The following SLC9A8 variants were observed in gnomAD, a reference collection of about 807,000 sequenced individuals.
SLC9A8 encodes the protein sodium/hydrogen exchanger 8.
Under a neutral mutation model 66.6 loss-of-function variants are expected in SLC9A8, and 48 were observed. That is an observed-to-expected ratio of 0.72 (90% confidence interval 0.57 to 0.92). The LOEUF (loss-of-function observed/expected upper bound fraction) is 0.92. SLC9A8 is among the 40% of genes least tolerant of loss of function. SLC9A8 has a pLI of 0.00. For synonymous variants in SLC9A8, 274 were observed against 282.6 expected (o/e 0.97, Z 0.31); for missense variants, 599 against 747.3 (o/e 0.80, Z 2.31).
At chr20:49,861,418 C>T (rs1048768293) in intron 8 of SLC9A8, among the ~76,000 whole-genome samples, 2 of 152,146 alleles carry the variant, frequency 1.3e-5, no homozygotes, top group African/African-American at 2.4e-5. Flanking sequence ...GTGATGTATG[C>T]TTGTGGTCTC....
At chr20:49,883,115 GA>G (rs1383578819) in intron 13 of SLC9A8, among the ~76,000 whole-genome samples, 2 of 151,568 alleles carry the variant, frequency 1.3e-5, no homozygotes, top group East Asian at 3.9e-4. Flanking sequence ...GTGGGGCTAG[GA>G]CTGCCTGTCC....
intron 15 of SLC9A8, among the ~76,000 whole-genome samples, chr20:49,887,412 C>A (rs1465244971): frequency 1.3e-5 from 2 of 152,180 alleles, no homozygotes; most frequent in Non-Finnish European, 1.5e-5. Flanking sequence ...AGGAGCCAGG[C>A]AGCTCCAGTG....
At chr20:49,850,692 A>G in intron 6 of SLC9A8, 118 bp from the exon 7 acceptor site, 2 of 1,307,400 alleles carry the variant, frequency 1.5e-6, no homozygotes, top group South Asian at 2.9e-5. Flanking sequence ...TGGTTTGGGA[A>G]CTGAAGATTA....
intron 8 of SLC9A8, among the ~76,000 whole-genome samples, chr20:49,857,125 C>T (rs1270518512): frequency 6.6e-6 from 1 of 152,168 alleles, no homozygotes; most frequent in Non-Finnish European, 1.5e-5. Context: ...CCAGTCTGGA[C>T]AACATAGCAA....
At chr20:49,872,838 A>C (rs2089268834) in intron 10 of SLC9A8, among the ~76,000 whole-genome samples, 1 of 152,262 alleles carries the variant, frequency 6.6e-6, no homozygotes, top group African/African-American at 2.4e-5. Context: ...TGTTTCCACA[A>C]AATGGCAGAA....
At chr20:49,827,638 C>T (rs938096105) in intron 3 of SLC9A8, among the ~76,000 whole-genome samples, 1 of 150,450 alleles carries the variant, frequency 6.6e-6, no homozygotes, top group South Asian at 2.1e-4. Context: ...AAATGAAATA[C>T]TTGTAAGCGT....
At chr20:49,855,947 C>T (rs1169300500) in intron 8 of SLC9A8, among the ~76,000 whole-genome samples, 2 of 151,988 alleles carry the variant, frequency 1.3e-5, no homozygotes, top group African/African-American at 2.4e-5. Context: ...CGTGCCATCA[C>T]GCCCAGCTAA....
chr20:49,815,198 G>T lies in SLC9A8; in HGVS notation c.208+9G>T. ...CAGCCTCCTTGTCCTAGGTGAATAT[G>T]GACACTGTCATCCCCATCATCTGCC... On this transcript the variant is annotated intron_variant, in intron 2 of 15. Transcript: ENST00000361573. 1.3e-6 allele frequency: 2 copies of T among 1,527,526 alleles called. No individual in the cohort carries two copies. 94.6% of individuals were successfully genotyped at this position (1,527,526 alleles called of 1,614,324 possible).
In SLC9A8 at chr20:49,884,008, A is replaced by T; in HGVS notation, c.1433A>T (p.Asp478Val). The change falls in exon 14 of 16, where the codon GAC becomes GTC. Residue 478 changes from aspartate (D) to valine (V), a missense_variant. Transcript: ENST00000361573. ...MPLIRLMDIE[D>V]AKAHRRNKKD... ...CTCATTCGCCTCATGGACATCGAGG[A>T]CGCCAAGGCACACCGCAGGAACAAG... 1 of 1,613,714 alleles carries T rather than the reference A, an allele frequency of 6.2e-7. No individual in the cohort carries two copies. The highest frequency in any genetic ancestry group is 8.5e-7 in the Non-Finnish European group (1 of 1,180,004).
chr20:49,836,937 T>C (rs972453270), intron 3 of SLC9A8, among the ~76,000 whole-genome samples: 13 of 152,186 alleles, frequency 8.5e-5, no homozygotes, highest in Admixed American at 8.5e-4. Context: ...TGGGAGCTGC[T>C]TAGGACAAAC....
intron 1 of SLC9A8, among the ~76,000 whole-genome samples, chr20:49,813,782 G>A (rs975217620): frequency 2.0e-5 from 3 of 152,174 alleles, no homozygotes; most frequent in Admixed American, 2.0e-4. Context: ...ATAACATCAG[G>A]TTCAAAAGGC....
intron 2 of SLC9A8, among the ~76,000 whole-genome samples, chr20:49,821,458 T>C (rs2086735753): frequency 6.6e-6 from 1 of 152,190 alleles, no homozygotes; most frequent in African/African-American, 2.4e-5. Flanking sequence ...CACCACAGAT[T>C]GATAGTTTAA....
chr20:49,830,343 A>G (rs1174410396), intron 3 of SLC9A8: 4 of 944,152 alleles, frequency 4.2e-6, no homozygotes, highest in African/African-American at 3.2e-5. Flanking sequence ...TGATTTGTTC[A>G]TCTAGGAGGG....
At chr20:49,877,122 T>G (rs1350833246) in intron 11 of SLC9A8, among the ~76,000 whole-genome samples, 1 of 134,054 alleles carries the variant, frequency 7.5e-6, no homozygotes, top group Non-Finnish European at 1.5e-5. Flanking sequence ...ACCCTGTCTC[T>G]ACTGAAAAAA....
chr20:49,884,097 AG>A (rs2089731683), intron 14 of SLC9A8, 31 bp downstream of exon 14: 3 of 1,591,204 alleles, frequency 1.9e-6, no homozygotes, highest in African/African-American at 1.3e-5. Flanking sequence ...GGGGTGGGGC[AG>A]GGGGCTGGCC....
rs146549128 is a variant in SLC9A8, at chr20:49,861,127, T to C, written c.714-1802T>C. Among the ~76,000 whole-genome samples, 295 of 152,156 alleles carry C rather than the reference T, an allele frequency of 1.9e-3. 1 individual carries two copies. The highest frequency in any genetic ancestry group is 6.3e-3 in the African/African-American group (262 of 41,528). ...GGTGCCAGTGACAGTGTGGCCCAGA[T>C]GTTTAGATTTGGGGAGAGGAGGTAA... On this transcript the variant is annotated intron_variant, in intron 8 of 15. Transcript: ENST00000361573.
intron 3 of SLC9A8, chr20:49,830,004 G>A (rs2087105474): frequency 3.2e-6 from 2 of 634,480 alleles, no homozygotes; most frequent in Admixed American, 3.7e-5. Flanking sequence ...ACCTTGAAGT[G>A]GATGATGGCC....
At chr20:49,813,305 C>G (rs2086426973) in intron 1 of SLC9A8, among the ~76,000 whole-genome samples, 2 of 152,258 alleles carry the variant, frequency 1.3e-5, no homozygotes, top group Non-Finnish European at 2.9e-5. Flanking sequence ...CCACACCCAC[C>G]TCCTACGTAG....
chr20:49,828,113 T>C (rs2086993944), intron 3 of SLC9A8, among the ~76,000 whole-genome samples: 1 of 145,346 alleles, frequency 6.9e-6, no homozygotes, highest in East Asian at 2.0e-4. Flanking sequence ...AGAGTTTCAC[T>C]TTTGCCGCCC....
Sources: allele counts gnomAD v4.1 joint callset (sites outside exome capture counted in the v4.1 genomes callset), GRCh38; gene constraint gnomAD v4.1.1; transcripts MANE v1.5; gene names NCBI Gene and HGNC (gene_info 2026-07-23, HGNC 2026-07-21).